Variants in OSBPL9 observed in about 807,000 individuals in gnomAD.
OSBPL9 encodes the protein oxysterol-binding protein-related protein 9.
Under a neutral mutation model 106.6 loss-of-function variants are expected in OSBPL9, and 40 were observed. That is an observed-to-expected ratio of 0.38 (90% CI 0.29 to 0.49). OSBPL9 has a LOEUF of 0.49. Among genes scored for constraint, OSBPL9 ranks in the 20% least tolerant of loss-of-function variants. The probability of loss-of-function intolerance (pLI) is 0.97; values close to 1 mark genes in which losing one functional copy is unlikely to be tolerated. For synonymous variants in OSBPL9, 269 were observed against 295.4 expected (o/e 0.91, Z 0.92); for missense variants, 609 against 887.2 (o/e 0.69, Z 3.98).
intron 3 of OSBPL9, among the ~76,000 whole-genome samples, chr1:51,682,000 G>A (rs1194931150): frequency 2.6e-5 from 4 of 152,012 alleles, no homozygotes. Flanking sequence ...TCAGGAGTTC[G>A]AAACCAGCCT....
intron 4 of OSBPL9, among the ~76,000 whole-genome samples, chr1:51,741,057 T>A (rs1192317506): frequency 1.3e-5 from 2 of 152,238 alleles, no homozygotes; most frequent in Admixed American, 1.3e-4. Flanking sequence ...ATAAATAGTG[T>A]TTAATGTCCC....
chr1:51,632,147 TAAC>T (rs1645146361), intron 1 of OSBPL9, among the ~76,000 whole-genome samples: 2 of 152,250 alleles, frequency 1.3e-5, no homozygotes, highest in Admixed American at 6.5e-5. Context: ...TACTCTAAAA[TAAC>T]AATAAAATAC....
intron 4 of OSBPL9, among the ~76,000 whole-genome samples, chr1:51,727,973 A>G (rs372148915): frequency 2.5e-4 from 38 of 152,362 alleles, no homozygotes; most frequent in African/African-American, 8.9e-4. Flanking sequence ...GATGATGAGT[A>G]GAAGTAAATA....
intron 2 of OSBPL9, among the ~76,000 whole-genome samples, chr1:51,661,049 G>T (rs1647115121): frequency 6.6e-6 from 1 of 152,130 alleles, no homozygotes; most frequent in South Asian, 2.1e-4. Flanking sequence ...GTAGTGACCT[G>T]TTCTGCCTAA....
Position 51,607,158 on chromosome 1 carries a change from C to CT in OSBPL9, c.-352-7142dup, listed in dbSNP as rs1297425927. Among the ~76,000 whole-genome samples, 1,163 of 147,222 alleles carry CT rather than the reference C, an allele frequency of 7.9e-3. 21 individuals are homozygous for CT. The highest frequency in any genetic ancestry group is 0.029 in the African/African-American group (1,129 of 39,444). On this transcript the variant is annotated intron_variant, in intron 2 of 25. Coordinates refer to the OSBPL9 transcript ENST00000371714. The stretch of plus-strand genomic sequence containing the variant: ...ACTACAGATGTTTTTCTTTTCTTTT[C>CT]TTTTTCTTTTTTTTTTTTTTTTTGA...
the OSBPL9 span, among the ~76,000 whole-genome samples, chr1:51,559,021 G>GA: frequency 6.6e-6 from 1 of 152,030 alleles, no homozygotes; most frequent in Non-Finnish European, 1.5e-5. Flanking sequence ...TTCCACCAAA[G>GA]AAAAAAAGGT....
chr1:51,642,568 A>G (rs908615698), intron 1 of OSBPL9, among the ~76,000 whole-genome samples: 5 of 152,164 alleles, frequency 3.3e-5, no homozygotes, highest in African/African-American at 1.2e-4. Flanking sequence ...GGACAAGGAA[A>G]AATTATTTTT....
chr1:51,524,014 A>G, the OSBPL9 span, among the ~76,000 whole-genome samples: 2 of 152,230 alleles, frequency 1.3e-5, no homozygotes, highest in Admixed American at 1.3e-4. Flanking sequence ...GGCTTTCCAT[A>G]TAGATGGTGC....
chr1:51,519,015 G>T, the OSBPL9 span, among the ~76,000 whole-genome samples: 1 of 151,308 alleles, frequency 6.6e-6, no homozygotes, highest in East Asian at 2.0e-4. Flanking sequence ...GCCGCAGGGG[G>T]GCTCCGGCTC....
At chr1:51,685,311 A>G (rs774574438) in intron 3 of OSBPL9, among the ~76,000 whole-genome samples, 8 of 152,114 alleles carry the variant, frequency 5.3e-5, no homozygotes, top group Non-Finnish European at 7.4e-5. Flanking sequence ...AAGCTATAGT[A>G]ATTCTGGTAA....
chr1:51,787,560 T>A, intron 23 of OSBPL9, 72 bp downstream of exon 23: 1 of 1,607,094 alleles, frequency 6.2e-7, no homozygotes, highest in Non-Finnish European at 8.5e-7. Flanking sequence ...GAAGAAGTGA[T>A]GTGCCAAACA....
chr1:51,775,351 C>A (rs537728214), intron 14 of OSBPL9, among the ~76,000 whole-genome samples: 80 of 147,208 alleles, frequency 5.4e-4, no homozygotes, highest in African/African-American at 1.9e-3. Context: ...TTTTTTTTTT[C>A]TCCCGTCTCC....
chr1:51,663,685 A>G (rs1363778310), intron 2 of OSBPL9, among the ~76,000 whole-genome samples: 1 of 152,194 alleles, frequency 6.6e-6, no homozygotes, highest in Admixed American at 6.5e-5. Context: ...TCATCAAAAG[A>G]TATCATTATG....
chr1:51,745,435 T>A, intron 4 of OSBPL9, 101 bp from the exon 5 acceptor site: 3 of 1,498,278 alleles, frequency 2.0e-6, no homozygotes, highest in Non-Finnish European at 2.7e-6. Flanking sequence ...AACTGTATTT[T>A]AAAAATTGAA....
chr1:51,551,561 C>CATTT, the OSBPL9 span, among the ~76,000 whole-genome samples: 1,622 of 151,868 alleles, frequency 0.011, 15 homozygotes, highest in African/African-American at 0.025. Context: ...TTCCAACAGT[C>CATTT]ATTTATTTAT....
intron 20 of OSBPL9, 65 bp from the exon 21 acceptor site, chr1:51,785,743 C>CTG (rs1677462443): frequency 5.6e-6 from 8 of 1,419,700 alleles, no homozygotes; most frequent in African/African-American, 1.4e-5. Context: ...TTGGGCCACA[C>CTG]TGAGCAGATT....
chr1:51,747,178 G>A (rs764852153), intron 6 of OSBPL9, among the ~76,000 whole-genome samples: 4 of 152,166 alleles, frequency 2.6e-5, no homozygotes, highest in Non-Finnish European at 4.4e-5. Context: ...TGTTGGCCAG[G>A]CTGGTTTCGA....
chr1:51,658,670 C>T (rs1283329098), intron 2 of OSBPL9, among the ~76,000 whole-genome samples: 13 of 152,042 alleles, frequency 8.6e-5, no homozygotes, highest in South Asian at 4.1e-4. Flanking sequence ...CAAGAGAGGT[C>T]GGTGGTGCAC....
intron 8 of OSBPL9, among the ~76,000 whole-genome samples, chr1:51,751,964 A>C (rs1669342487): frequency 6.6e-6 from 1 of 152,188 alleles, no homozygotes; most frequent in Non-Finnish European, 1.5e-5. Flanking sequence ...TCCAGAAGGA[A>C]GTTTTATTGT....
Sources: gnomAD v4.1 joint callset for allele counts (sites outside exome capture counted in the v4.1 genomes callset) on GRCh38, gnomAD v4.1.1 for gene constraint, MANE v1.5 for transcripts, NCBI Gene and HGNC (gene_info 2026-07-23, HGNC 2026-07-21) for gene names.